Variants in MAPKBP1 observed in about 807,000 individuals in gnomAD.
MAPKBP1 encodes mitogen-activated protein kinase-binding protein 1.
MAPKBP1 carries 71 observed loss-of-function variants against 170.5 expected under a neutral mutation model. That is an observed-to-expected ratio of 0.42 (90% confidence interval 0.34 to 0.51). The LOEUF (loss-of-function observed/expected upper bound fraction) is 0.51, where lower values mean the gene tolerates loss of function less well. MAPKBP1 is among the 20% of genes least tolerant of loss of function. The pLI, the probability that MAPKBP1 is intolerant of heterozygous loss-of-function variation, is 0.06. For missense variants in MAPKBP1, 1,598 were observed against 1,933.0 expected, an observed-to-expected ratio of 0.83 and a Z score of 3.25; for synonymous variants, 719 against 757.9, an observed-to-expected ratio of 0.95 and a Z score of 0.84.
chr15:41,824,296 C>T lies in MAPKBP1; in HGVS notation c.4214-188C>T, dbSNP rs535445629. ...AGTGGCTTCTGAACTTGGGGCTGGCCGTCTCCTCTGGACCTTGTTTGTGTG... is the reference window on the plus strand; with the variant it reads ...AGTGGCTTCTGAACTTGGGGCTGGCTGTCTCCTCTGGACCTTGTTTGTGTG... On this transcript the variant is annotated intron_variant, in intron 29 of 30. Coordinates refer to ENST00000457542, the MANE Select transcript of MAPKBP1 (RefSeq NM_014994.3). Among the ~76,000 whole-genome samples, 13 of 152,294 alleles carry T rather than the reference C, an allele frequency of 8.5e-5. No individual in the cohort carries two copies. In the South Asian group the frequency reaches 2.3e-3, roughly 27 times the overall value.
rs751520036 is a variant in MAPKBP1, at chr15:41,818,119, G to C, written c.1980+35G>C. 1 of 1,612,112 alleles carries C rather than the reference G, an allele frequency of 6.2e-7. No homozygotes were observed. Among genetic ancestry groups the C allele is most frequent in the East Asian group, 2.2e-5 (1 of 44,862 alleles). ...CAGAGGGGGTACTGGACAGGGGCTCGGGGACAGAGTGGTGCTGGGTGGGAG... is the reference window on the plus strand; with the variant it reads ...CAGAGGGGGTACTGGACAGGGGCTCCGGGACAGAGTGGTGCTGGGTGGGAG... On this transcript the variant is annotated intron_variant, in intron 17 of 30. Coordinates refer to ENST00000457542, the MANE Select transcript of MAPKBP1 (RefSeq NM_014994.3). This position sits in a 1 kb window ranked among gnomAD's most constrained non-coding sequence, Gnocchi z 5.2.
intron 3 of MAPKBP1, among the ~76,000 whole-genome samples, chr15:41,802,616 G>T (rs2064616450): frequency 6.6e-6 from 1 of 152,136 alleles, no homozygotes; most frequent in African/African-American, 2.4e-5. Flanking sequence ...TGGGATTACA[G>T]GCTCCTGCCA....
At position 41,817,994 on chromosome 15, in the gene MAPKBP1, C is replaced by T; in HGVS notation, c.1905-15C>T. The T allele has an allele frequency of 6.2e-7, 1 of 1,613,490 alleles. No individual in the cohort carries two copies. Among genetic ancestry groups the T allele is most frequent in the Non-Finnish European group, 8.5e-7 (1 of 1,179,412 alleles). ...TCACCGCCTCCTCATGAGAAAGAGA[C>T]TATGTTTCTTACAGGATATTTAACA... On this transcript the variant is annotated splice_polypyrimidine_tract_variant and intron_variant, in intron 16 of 30. Transcript: ENST00000457542. The surrounding 1 kb of genome is among the most constrained non-coding windows in gnomAD (Gnocchi z 4.2).
chr15:41,797,674 C>T (rs1452067384), intron 2 of MAPKBP1, among the ~76,000 whole-genome samples: 1 of 152,214 alleles, frequency 6.6e-6, no homozygotes, highest in Non-Finnish European at 1.5e-5. Flanking sequence ...CTTTGTTCCA[C>T]ACTAGGTTTA....
chr15:41,802,994 GTTA>G (rs898723578), intron 3 of MAPKBP1, among the ~76,000 whole-genome samples: 1 of 152,072 alleles, frequency 6.6e-6, no homozygotes, highest in Non-Finnish European at 1.5e-5. Flanking sequence ...TGACCAAAAT[GTTA>G]TTATGTGACG....
At position 41,825,627 on chromosome 15, in the gene MAPKBP1, C is replaced by G. The variant is rs2065077781; in HGVS notation, c.*191C>G. On this transcript the variant is annotated 3_prime_UTR_variant, in exon 31 of 31. Coordinates refer to ENST00000457542, the MANE Select transcript of MAPKBP1 (RefSeq NM_014994.3). ...TAATTTATTTCCCTGACTGTTGCCT[C>G]ACTTCCTTGGAACTCCTGCCTCCAC... 7.5e-6 allele frequency: 4 copies of G among 531,400 alleles called. No homozygotes were observed. Among genetic ancestry groups the G allele is most frequent in the Non-Finnish European group, 3.3e-6 (1 of 302,686 alleles). The allele number at this position is 531,400 out of a possible 1,614,324, so 32.9% of individuals were successfully genotyped here. A position where few individuals can be genotyped will look rare whatever the true frequency, so the allele number is the denominator to read the frequency against.
chr15:41,817,542 G>A lies in MAPKBP1; in HGVS notation c.1783-72G>A. 3 of 1,613,480 alleles carry A rather than the reference G, an allele frequency of 1.9e-6. No individual in the cohort carries two copies. The highest frequency in any genetic ancestry group is 2.2e-5 in the East Asian group (1 of 44,868). On this transcript the variant is annotated intron_variant, in intron 15 of 30. Transcript: ENST00000457542. This position sits in a 1 kb window ranked among gnomAD's most constrained non-coding sequence, Gnocchi z 4.2. ...CCTAAGGTTACAAGAGGTGAAGGGA[G>A]GCGCAAGTAGGGCTCTTGGGGCCTG...
In MAPKBP1 at chr15:41,799,876, C is replaced by T. The variant is rs777860146; in HGVS notation, c.168C>T (p.Ala56=). ...GITVSGGRGL[A]CDPRSGLVAY... is the part of the protein sequence containing the mutation. Reference sequence around the variant, plus strand: ...CAGTGTCTGGAGGCAGAGGACTTGCCTGTGACCCCCGATCAGGTTTAGTTG... The same window carrying T: ...CAGTGTCTGGAGGCAGAGGACTTGCTTGTGACCCCCGATCAGGTTTAGTTG... Residue 56 remains alanine (A), a synonymous_variant, in exon 3 of 31, where the codon GCC becomes GCT. Transcript: ENST00000457542. The T allele has an allele frequency of 1.9e-6, 3 of 1,614,152 alleles. No homozygotes were observed. Among genetic ancestry groups the T allele is most frequent in the African/African-American group, 1.3e-5 (1 of 75,042 alleles).
chr15:41,821,981 G>C lies in MAPKBP1; in HGVS notation c.2902G>C (p.Ala968Pro). 5.0e-6 allele frequency: 8 copies of C among 1,610,802 alleles called. No individual in the cohort carries two copies. Among genetic ancestry groups the C allele is most frequent in the Non-Finnish European group, 6.8e-6 (8 of 1,178,590 alleles). ...TCCTGACAGTGAGTTCCAAGTGCAG[G>C]CTCCAGCCCGGGGAACTCTGGGAAG... ...TMDTSEFQVQ[A>P]PARGTLGRVY... The change falls in exon 25 of 31, where the codon GCT becomes CCT. Residue 968 changes from alanine (A) to proline (P), a missense_variant. Ala to Pro is a conservative substitution (Grantham distance 27). Coordinates refer to ENST00000457542, the MANE Select transcript of MAPKBP1 (RefSeq NM_014994.3).
intron 27 of MAPKBP1, 62 bp from the exon 28 acceptor site, chr15:41,822,877 C>T (rs990806285): frequency 1.9e-6 from 3 of 1,546,662 alleles, no homozygotes; most frequent in African/African-American, 2.7e-5. Context: ...AGTTTCTCGC[C>T]ATTTTGGCAG....
At chr15:41,810,335 A>G (rs947572793) in intron 3 of MAPKBP1, among the ~76,000 whole-genome samples, 1 of 152,082 alleles carries the variant, frequency 6.6e-6, no homozygotes, top group African/African-American at 2.4e-5. Context: ...CTGGGGGGAC[A>G]GGCTTCCAGG....
rs1027124008 is a variant in MAPKBP1, at chr15:41,823,985, G to T, written c.4137G>T (p.Leu1379Phe). ...GCCTCTTCCAAGGCCCTGAAAACTTGCAGCCCCCACCCCCTGAGAAGACTC... is the reference window on the plus strand; with the variant it reads ...GCCTCTTCCAAGGCCCTGAAAACTTTCAGCCCCCACCCCCTGAGAAGACTC... ...VSSLFQGPENLQPPPPEKTPN... is the reference protein window; with the variant it reads ...VSSLFQGPENFQPPPPEKTPN... The change falls in exon 29 of 31, where the codon TTG becomes TTT. Residue 1379 changes from leucine (L) to phenylalanine (F), a missense_variant. Leu to Phe is a conservative substitution (Grantham distance 22). Transcript: ENST00000457542. The T allele has an allele frequency of 1.9e-6, 3 of 1,613,848 alleles. No individual in the cohort carries two copies. The highest frequency in any genetic ancestry group is 8.5e-7 in the Non-Finnish European group (1 of 1,180,014).
Position 41,815,718 on chromosome 15 carries a change from A to G in MAPKBP1, c.1412A>G (p.Asp471Gly). The G allele has an allele frequency of 1.2e-6, 2 of 1,614,154 alleles. No homozygotes were observed. The highest frequency in any genetic ancestry group is 1.3e-5 in the African/African-American group (1 of 75,034). ...GGDKADASLL[D>G]PRVGIRSVCV... ...GACAAAGCTGATGCATCCCTGTTGG[A>G]TCCCCGCGTGGGCATCCGCTCGGTG... The change falls in exon 12 of 31, where the codon GAT (aspartate) becomes GGT (glycine). Residue 471 changes from aspartate (D) to glycine (G), a missense_variant. Physicochemically the swap from Asp to Gly is moderately conservative, Grantham distance 94 (BLOSUM62 -1). Transcript: ENST00000457542.
At chr15:41,789,690 T>A (rs886991884) in intron 2 of MAPKBP1, among the ~76,000 whole-genome samples, 1 of 152,222 alleles carries the variant, frequency 6.6e-6, no homozygotes, top group African/African-American at 2.4e-5. Flanking sequence ...AGACCCTCCC[T>A]CTTTCTTGGA....
At position 41,827,482 on chromosome 15, in the gene MAPKBP1, G is replaced by C. The variant is rs1020852097; in HGVS notation, c.*2046G>C. 2 of 152,084 alleles carry C rather than the reference G, an allele frequency of 1.3e-5. No homozygotes were observed. Among genetic ancestry groups the C allele is most frequent in the African/African-American group, 4.8e-5 (2 of 41,372 alleles). The allele number at this position is 152,084 out of a possible 1,614,324, so 9.4% of individuals were successfully genotyped here. A position where few individuals can be genotyped will look rare whatever the true frequency, so the allele number is the denominator to read the frequency against. ...TGCTGTGCCCCGACTTCCCACACCA[G>C]CCGCGCCCACCGCAGGTGGGACTCA... On this transcript the variant is annotated 3_prime_UTR_variant, in exon 31 of 31. Coordinates refer to ENST00000457542, the MANE Select transcript of MAPKBP1 (RefSeq NM_014994.3).
At chr15:41,819,551 G>GGGGGGGGGGGGGGA in intron 21 of MAPKBP1, 44 bp from the exon 22 acceptor site, 1 of 1,515,398 alleles carries the variant, frequency 6.6e-7, no homozygotes, top group South Asian at 1.1e-5. Context: ...GGGTGGCGGG[G>GGGGGGGGGGGGGGA]GGGGGGCAGG....
In MAPKBP1 at chr15:41,821,029, G is replaced by A. The variant is rs1347853594; in HGVS notation, c.2679G>A (p.Lys893=). ...CCATCATCCCATCTGGTCCCAGGAA[G>A]CATGGGCAGGAGGCCCTTGAGACTT... is the stretch of plus-strand genomic sequence containing the variant. ...SLAIIPSGPR[K]HGQEALETSL... The change falls in exon 23 of 31, where the codon AAG becomes AAA. Residue 893 remains lysine, a synonymous_variant. Coordinates refer to ENST00000457542, the MANE Select transcript of MAPKBP1 (RefSeq NM_014994.3). The A allele has an allele frequency of 6.2e-7, 1 of 1,614,192 alleles. No homozygotes were observed. Among genetic ancestry groups the A allele is most frequent in the Admixed American group, 1.7e-5 (1 of 60,030 alleles).
At position 41,818,001 on chromosome 15, in the gene MAPKBP1, T is replaced by A. The variant is rs760858729; in HGVS notation, c.1905-8T>A. The A allele has an allele frequency of 6.2e-7, 1 of 1,613,962 alleles. No homozygotes were observed. The highest frequency in any genetic ancestry group is 8.5e-7 in the Non-Finnish European group (1 of 1,179,858). ...CTCCTCATGAGAAAGAGACTATGTT[T>A]CTTACAGGATATTTAACATCAGCAG... On this transcript the variant is annotated splice_region_variant and splice_polypyrimidine_tract_variant and intron_variant, in intron 16 of 30. Transcript: ENST00000457542. The surrounding 1 kb of genome is among the most constrained non-coding windows in gnomAD (Gnocchi z 5.2).
rs1476327742 is a variant in MAPKBP1, at chr15:41,822,553, T to A, written c.3230-40T>A. 1.9e-6 allele frequency: 3 copies of A among 1,610,346 alleles called. No homozygotes were observed. The Admixed American group carries it at 5.0e-5, about 27-fold the overall frequency. ...GGAGGCAAAATCTGGGGCAAGGGCT[T>A]GGTTTTTGCCCCAATTCATGATTTC... On this transcript the variant is annotated intron_variant, in intron 26 of 30. Transcript: ENST00000457542.
Sources: gnomAD v4.1 joint callset for allele counts (sites outside exome capture counted in the v4.1 genomes callset) on GRCh38, gnomAD v4.1.1 for gene constraint, Gnocchi (gnomAD v3.1) non-coding constraint, MANE v1.5 for transcripts, NCBI Gene and HGNC (gene_info 2026-07-23, HGNC 2026-07-21) for gene names.